The following TRPC7 variants were observed in gnomAD, a reference collection of about 807,000 sequenced individuals.
TRPC7 encodes transient receptor potential cation channel subfamily C member 7.
Under a neutral mutation model 90.1 loss-of-function variants are expected in TRPC7, and 42 were observed. The observed-to-expected ratio is 0.47, with a 90% CI of 0.36 to 0.60. TRPC7 has a LOEUF of 0.60. Ranked by LOEUF, TRPC7 falls within the 20% of genes least tolerant of loss-of-function variation. The pLI is 0.00. For missense variants in TRPC7, 955 were observed against 1,112.3 expected (o/e 0.86, Z 2.01); for synonymous variants, 451 against 436.3 (o/e 1.03, Z -0.42).
chr5:136,243,255 C>T (rs1756224681), intron 7 of TRPC7, among the ~76,000 whole-genome samples: 1 of 151,948 alleles, frequency 6.6e-6, no homozygotes, highest in Non-Finnish European at 1.5e-5. Context: ...AGGTTTCTAA[C>T]AGCTGACTTT....
Position 136,274,847 on chromosome 5 carries a change from C to CAAAACA in TRPC7, c.964-16_964-11dup, listed in dbSNP as rs759241108. ...TAGGATGAGCAACGAACTGTAAAAACAAAACAAAAACAAAAACAAAACGCA... is the reference window on the plus strand; with the variant it reads ...TAGGATGAGCAACGAACTGTAAAAACAAAACAAAAACAAAAACAAAAACAAAACGCA... On this transcript the variant is annotated splice_polypyrimidine_tract_variant and intron_variant, in intron 3 of 11. Coordinates refer to ENST00000513104, the MANE Select transcript of TRPC7 (RefSeq NM_020389.3). 8.4e-6 allele frequency: 13 copies of CAAAACA among 1,552,956 alleles called. No homozygotes were observed. In the Admixed American group the frequency reaches 9.9e-5, roughly 12 times the overall value.
chr5:136,342,373 G>C (rs1441343429), intron 2 of TRPC7, among the ~76,000 whole-genome samples: 1 of 152,194 alleles, frequency 6.6e-6, no homozygotes, highest in Non-Finnish European at 1.5e-5. Context: ...GGGTGTGTAA[G>C]AGAAAGATCC....
At chr5:136,269,337 T>C (rs1478231213) in intron 4 of TRPC7, among the ~76,000 whole-genome samples, 2 of 152,216 alleles carry the variant, frequency 1.3e-5, no homozygotes, top group African/African-American at 2.4e-5. Flanking sequence ...AGAGTGCCCC[T>C]GAATTGGCTC....
intron 2 of TRPC7, among the ~76,000 whole-genome samples, chr5:136,330,760 A>G (rs1388990193): frequency 2.0e-5 from 3 of 152,196 alleles, no homozygotes; most frequent in Non-Finnish European, 4.4e-5. Context: ...TGTGGCAACA[A>G]TTGGAAAATC....
intron 2 of TRPC7, among the ~76,000 whole-genome samples, chr5:136,340,090 A>G (rs892311919): frequency 6.6e-6 from 1 of 152,216 alleles, no homozygotes; most frequent in East Asian, 1.9e-4. Flanking sequence ...CAATGAATGA[A>G]TGGATTAAAA....
chr5:136,316,671 C>G (rs1450358219), intron 2 of TRPC7, among the ~76,000 whole-genome samples: 1 of 152,176 alleles, frequency 6.6e-6, no homozygotes, highest in Non-Finnish European at 1.5e-5. Context: ...TTCCCCTAAA[C>G]AAACTGCTTA....
intron 1 of TRPC7, among the ~76,000 whole-genome samples, chr5:136,357,913 C>A (rs1477244207): frequency 3.3e-5 from 5 of 152,096 alleles, no homozygotes; most frequent in Non-Finnish European, 5.9e-5. Flanking sequence ...CTTTTTATGC[C>A]CAGCTCTCCA....
At chr5:136,305,280 C>T (rs1286672718) in intron 3 of TRPC7, among the ~76,000 whole-genome samples, 5 of 152,250 alleles carry the variant, frequency 3.3e-5, no homozygotes, top group Middle Eastern at 3.4e-3. Context: ...ACCCTGATCA[C>T]GCTTGATTTA....
rs2546661 is a variant in TRPC7, at chr5:136,356,887, G to A, written c.501C>T (p.Pro167=). Residue 167 remains proline (P), a synonymous_variant, in exon 2 of 12, where the codon CCC becomes CCT. Transcript: ENST00000513104. ...DGTRFSHDIT[P]IILAAHCQEY... ...CCTGGCAGTGCGCCGCCAGGATGAT[G>A]GGCGTGATGTCGTGGGAGAAGCGCG... 268,860 of 1,613,662 alleles carry A rather than the reference G, an allele frequency of 0.17. 25,717 individuals carry two copies. Among genetic ancestry groups the A allele is most frequent in the African/African-American group, 0.38 (28,323 of 74,980 alleles).
chr5:136,350,262 C>G (rs544102738), intron 2 of TRPC7, among the ~76,000 whole-genome samples: 2 of 152,238 alleles, frequency 1.3e-5, no homozygotes, highest in Non-Finnish European at 2.9e-5. Flanking sequence ...GAGAGAGAAC[C>G]AGGTCAGTCT....
chr5:136,282,751 C>A (rs1197997362), intron 3 of TRPC7, among the ~76,000 whole-genome samples: 3 of 152,128 alleles, frequency 2.0e-5, no homozygotes, highest in Admixed American at 2.0e-4. Context: ...CCCAGATGTT[C>A]CAGGTCTTGG....
intron 3 of TRPC7, among the ~76,000 whole-genome samples, chr5:136,312,638 G>C (rs1367307952): frequency 6.6e-6 from 1 of 152,158 alleles, no homozygotes; most frequent in Non-Finnish European, 1.5e-5. Flanking sequence ...CCCAGTTCAG[G>C]ATTCCTTCCC....
chr5:136,364,706 C>T (rs142880765), intron 1 of TRPC7, among the ~76,000 whole-genome samples: 30 of 152,278 alleles, frequency 2.0e-4, no homozygotes, highest in African/African-American at 6.5e-4. Flanking sequence ...GCCTAGATTA[C>T]ACCTCTTTCA....
At chr5:136,272,216 T>C (rs988676496) in intron 4 of TRPC7, among the ~76,000 whole-genome samples, 13 of 152,214 alleles carry the variant, frequency 8.5e-5, no homozygotes, top group African/African-American at 3.1e-4. Flanking sequence ...GAATTACAGA[T>C]ATAGACAGAT....
rs1186965876 is a variant in TRPC7 at position 136,216,396 on chromosome 5, G to T, written c.2344-121C>A. On this transcript the variant is annotated intron_variant, in intron 10 of 11. Coordinates refer to ENST00000513104, the MANE Select transcript of TRPC7 (RefSeq NM_020389.3). ...TCAGCAACCATGGCGACCCTCCCAT[G>T]CCTGGCGCCTCACTCTGGAGGGGTG... 2.0e-5 allele frequency: 15 copies of T among 753,604 alleles called. No individual in the cohort carries two copies. The Admixed American group carries it at 2.6e-4, about 13-fold the overall frequency. The allele number at this position is 753,604 out of a possible 1,614,324, so 46.7% of individuals were successfully genotyped here.
Position 136,315,621 on chromosome 5 carries a change from G to T in TRPC7, c.939C>A (p.Leu313=), listed in dbSNP as rs774067254. 4 of 1,613,824 alleles carry T rather than the reference G, an allele frequency of 2.5e-6. No homozygotes were observed. The Admixed American group carries it at 6.7e-5, about 27-fold the overall frequency. ...HHRPSLSRIK[L]AIKYEVKKFV... is the part of the protein sequence containing the mutation. ...CCTTCTTGACTTCATATTTAATGGC[G>T]AGTTTGATCCGGCTCAGACTTGGAC... is the stretch of plus-strand genomic sequence containing the variant. The change falls in exon 3 of 12, where the codon CTC becomes CTA. Residue 313 remains leucine, a synonymous_variant. Transcript: ENST00000513104.
chr5:136,352,972 G>A (rs990621874), intron 2 of TRPC7, among the ~76,000 whole-genome samples: 7 of 152,184 alleles, frequency 4.6e-5, no homozygotes, highest in Admixed American at 2.6e-4. Flanking sequence ...TGCTTCATCA[G>A]TTGAAATGAT....
At chr5:136,223,511 G>T (rs572712667) in intron 10 of TRPC7, among the ~76,000 whole-genome samples, 2 of 152,214 alleles carry the variant, frequency 1.3e-5, no homozygotes, top group South Asian at 2.1e-4. Flanking sequence ...TACTCGGGAG[G>T]CTGAGACAAG....
At chr5:136,336,851 G>A (rs1249370875) in intron 2 of TRPC7, among the ~76,000 whole-genome samples, 1 of 152,148 alleles carries the variant, frequency 6.6e-6, no homozygotes, top group Non-Finnish European at 1.5e-5. Flanking sequence ...TCATCCTTGG[G>A]AAAGGAAGGA....
Sources: allele counts gnomAD v4.1 joint callset (sites outside exome capture counted in the v4.1 genomes callset), GRCh38; gene constraint gnomAD v4.1.1; transcripts MANE v1.5; gene names NCBI Gene and HGNC (gene_info 2026-07-23, HGNC 2026-07-21).